The following ATRNL1 variants were observed in gnomAD, a reference collection of about 807,000 sequenced individuals.
The protein encoded by ATRNL1 is attractin like 1, also known as attractin-like protein 1.
ATRNL1 carries 95 observed loss-of-function variants against 182.7 expected under a neutral mutation model. That is an observed-to-expected ratio of 0.52 (90% CI 0.44 to 0.62). The LOEUF is 0.62. ATRNL1 is among the 20% of genes least tolerant of loss of function. ATRNL1 has a pLI of 0.00. For synonymous variants in ATRNL1, 576 were observed against 568.3 expected, an observed-to-expected ratio of 1.01 and a Z score of -0.19; for missense variants, 1,471 against 1,679.5, an observed-to-expected ratio of 0.88 and a Z score of 2.17.
chr10:115,660,662 T>C (rs1424280130), intron 26 of ATRNL1, among the ~76,000 whole-genome samples: 1 of 151,992 alleles, frequency 6.6e-6, no homozygotes, highest in Non-Finnish European at 1.5e-5. Flanking sequence ...CAAACCTTGA[T>C]TGAGACAGTT....
At chr10:115,336,263 A>G (rs1855477515) in intron 19 of ATRNL1, among the ~76,000 whole-genome samples, 1 of 152,220 alleles carries the variant, frequency 6.6e-6, no homozygotes. Flanking sequence ...AGGAAGATCC[A>G]GTTGTTCTCA....
intron 19 of ATRNL1, among the ~76,000 whole-genome samples, chr10:115,367,839 A>G (rs1363223981): frequency 6.8e-6 from 1 of 147,452 alleles, no homozygotes; most frequent in Non-Finnish European, 1.5e-5. Flanking sequence ...CTCGGGGGTC[A>G]GGGGTCAGGG....
At chr10:115,791,129 G>A (rs1451771034) in intron 27 of ATRNL1, among the ~76,000 whole-genome samples, 1 of 151,978 alleles carries the variant, frequency 6.6e-6, no homozygotes, top group Non-Finnish European at 1.5e-5. Flanking sequence ...TTCTCCCCCA[G>A]GTCCACATAG....
intron 6 of ATRNL1, among the ~76,000 whole-genome samples, chr10:115,164,142 G>A (rs1193876764): frequency 6.6e-6 from 1 of 152,136 alleles, no homozygotes; most frequent in African/African-American, 2.4e-5. Flanking sequence ...TGAGCATAGA[G>A]TATAAGCATT....
At position 115,243,066 on chromosome 10, in the gene ATRNL1, G is replaced by A. The variant is rs146946376; in HGVS notation, c.1687+1341G>A. Among the ~76,000 whole-genome samples the A allele has an allele frequency of 6.1e-3, 924 of 150,928 alleles. 14 individuals are homozygous for A. The highest frequency in any genetic ancestry group is 0.022 in the African/African-American group (890 of 41,290). On this transcript the variant is annotated intron_variant, in intron 10 of 28. Transcript: ENST00000355044. ...TTTTCTGGAAGTTGATGAAAGTTTT[G>A]TTTGTTTGTTTTTCTTCTGGGGAAA...
rs1951797391 is a variant in ATRNL1, at chr10:115,880,285, A to C, written c.4018+32294A>C. ...GGCCATGGGAGAGGGTGAACTATGG[A>C]GAAAAGTGAAGGAATCCCAGGCTTC... On this transcript the variant is annotated intron_variant, in intron 28 of 28. Coordinates refer to ENST00000355044, the MANE Select transcript of ATRNL1 (RefSeq NM_207303.4). 3.3e-5 allele frequency among the ~76,000 whole-genome samples: 5 copies of C among 152,250 alleles called. No homozygotes were observed. The South Asian group carries it at 1.0e-3, about 32-fold the overall frequency.
intron 8 of ATRNL1, among the ~76,000 whole-genome samples, chr10:115,191,693 T>C (rs1848174976): frequency 6.6e-6 from 1 of 152,040 alleles, no homozygotes; most frequent in Admixed American, 6.6e-5. Context: ...TATTTCATAG[T>C]TCCTCCTGTG....
chr10:115,266,106 G>T (rs1851596910), intron 11 of ATRNL1, among the ~76,000 whole-genome samples: 1 of 151,710 alleles, frequency 6.6e-6, no homozygotes, highest in Non-Finnish European at 1.5e-5. Context: ...AATAATAAAA[G>T]ACATTCTTGA....
intron 10 of ATRNL1, among the ~76,000 whole-genome samples, chr10:115,244,902 T>C (rs1554903714): frequency 6.6e-6 from 1 of 152,198 alleles, no homozygotes; most frequent in African/African-American, 2.4e-5. Flanking sequence ...TTTCCTGAGT[T>C]AAATTATTTA....
At chr10:115,290,602 G>A (rs1335524345) in intron 15 of ATRNL1, among the ~76,000 whole-genome samples, 2 of 152,188 alleles carry the variant, frequency 1.3e-5, no homozygotes, top group Admixed American at 6.5e-5. Context: ...GTTGCAGTGA[G>A]CTGAGGTCGT....
rs1457923648 is a variant in ATRNL1 at position 115,364,018 on chromosome 10, A to G, written c.3175+29599A>G. Reference sequence around the variant, plus strand: ...GTGATGCGGGCTCTTTTTTGATTCCATATGAACTTTAAAGTAGTTTTTTCC... The same window carrying G: ...GTGATGCGGGCTCTTTTTTGATTCCGTATGAACTTTAAAGTAGTTTTTTCC... On this transcript the variant is annotated intron_variant, in intron 19 of 28. Transcript: ENST00000355044. 7.9e-5 allele frequency among the ~76,000 whole-genome samples: 12 copies of G among 151,986 alleles called. No individual in the cohort carries two copies. The East Asian group carries it at 1.9e-3, about 24-fold the overall frequency.
At chr10:115,221,348 A>AT (rs1350161355) in intron 9 of ATRNL1, among the ~76,000 whole-genome samples, 2 of 152,038 alleles carry the variant, frequency 1.3e-5, no homozygotes, top group African/African-American at 4.8e-5. Flanking sequence ...ACTGATATTT[A>AT]TTTTTTACCA....
chr10:115,897,751 T>C (rs1952244540), intron 28 of ATRNL1, among the ~76,000 whole-genome samples: 1 of 152,176 alleles, frequency 6.6e-6, no homozygotes, highest in Admixed American at 6.5e-5. Flanking sequence ...ATTTTTAAAC[T>C]AAAATGTAAA....
chr10:115,385,286 A>G (rs1592570834), intron 19 of ATRNL1, among the ~76,000 whole-genome samples: 1 of 152,046 alleles, frequency 6.6e-6, no homozygotes, highest in Non-Finnish European at 1.5e-5. Flanking sequence ...TTACAATTAT[A>G]TTTGTCTGTT....
intron 17 of ATRNL1, among the ~76,000 whole-genome samples, chr10:115,309,006 T>C (rs1458133377): frequency 6.6e-6 from 1 of 152,162 alleles, no homozygotes; most frequent in Non-Finnish European, 1.5e-5. Context: ...ATTTATTGAA[T>C]AGGGTGTCCT....
At chr10:115,535,582 T>C (rs551941611) in intron 25 of ATRNL1, among the ~76,000 whole-genome samples, 2 of 152,350 alleles carry the variant, frequency 1.3e-5, no homozygotes, top group East Asian at 3.9e-4. Context: ...AGCAGTTTGA[T>C]TGTCTGAAGC....
At chr10:115,912,188 A>T (rs548486177) in intron 28 of ATRNL1, among the ~76,000 whole-genome samples, 1 of 152,292 alleles carries the variant, frequency 6.6e-6, no homozygotes, top group East Asian at 1.9e-4. Context: ...GAAATTTTAC[A>T]AACAAATGAT....
At chr10:115,773,759 C>T (rs781897710) in intron 27 of ATRNL1, among the ~76,000 whole-genome samples, 19 of 152,106 alleles carry the variant, frequency 1.2e-4, no homozygotes, top group Non-Finnish European at 2.9e-5. Context: ...GAAAGTGTTT[C>T]GTTACAGATT....
At position 115,653,503 on chromosome 10, in the gene ATRNL1, T is replaced by A. The variant is rs181593323; in HGVS notation, c.3796-73745T>A. On this transcript the variant is annotated intron_variant, in intron 26 of 28. Coordinates refer to ENST00000355044, the MANE Select transcript of ATRNL1 (RefSeq NM_207303.4). Reference sequence around the variant, plus strand: ...GCAAACTTTGCCTTTCCGTTTGGAATGTTTGCTAAGTCCTCTGTTACCCAA... The same window carrying A: ...GCAAACTTTGCCTTTCCGTTTGGAAAGTTTGCTAAGTCCTCTGTTACCCAA... Among the ~76,000 whole-genome samples the A allele has an allele frequency of 2.6e-3, 397 of 152,316 alleles. 4 individuals are homozygous for A. Among genetic ancestry groups the A allele is most frequent in the Middle Eastern group, 0.014 (4 of 294 alleles).
Sources: gnomAD v4.1 joint callset for allele counts (sites outside exome capture counted in the v4.1 genomes callset) on GRCh38, gnomAD v4.1.1 for gene constraint, MANE v1.5 for transcripts, NCBI Gene and HGNC (gene_info 2026-07-23, HGNC 2026-07-21) for gene names.